Variants in POLB observed in about 807,000 individuals in gnomAD.
The protein encoded by POLB is 5'-dRP lyase.
POLB carries 37 observed loss-of-function variants against 52.7 expected under a neutral mutation model. The ratio of observed to expected loss-of-function variants is 0.70; its 90% CI spans 0.54 to 0.92. The LOEUF (loss-of-function observed/expected upper bound fraction) is 0.92. Among genes scored for constraint, POLB ranks in the 40% least tolerant of loss-of-function variants. The pLI, the probability that POLB is intolerant of heterozygous loss-of-function variation, is 0.00. For missense variants in POLB, 313 were observed against 400.8 expected (o/e 0.78, Z 1.87); for synonymous variants, 138 against 131.3 (o/e 1.05, Z -0.35).
intron 6 of POLB, among the ~76,000 whole-genome samples, chr8:42,354,752 C>T (rs537419104): frequency 1.3e-5 from 2 of 152,012 alleles, no homozygotes; most frequent in South Asian, 4.1e-4. Flanking sequence ...CCATGTTGGT[C>T]AGGCTGGTCT....
chr8:42,369,188 A>G (rs1824221619), intron 11 of POLB, 83 bp from the exon 12 acceptor site: 2 of 801,030 alleles, frequency 2.5e-6, no homozygotes, highest in African/African-American at 1.7e-5. Context: ...ATTAAAAACA[A>G]AAATGGCCTT....
At chr8:42,368,990 G>A (rs1356431585) in intron 11 of POLB, 1 of 244,114 alleles carries the variant, frequency 4.1e-6, no homozygotes, top group African/African-American at 2.2e-5. Flanking sequence ...TGTGTTTCGT[G>A]TTCAGGGTTT....
At chr8:42,342,219 C>G in intron 2 of POLB, 1 of 1,552,344 alleles carries the variant, frequency 6.4e-7, no homozygotes, top group Non-Finnish European at 8.8e-7. Flanking sequence ...GTGAAAGCAC[C>G]TGGCTGACCA....
chr8:42,342,253 T>C (rs1250493578), intron 2 of POLB: 1 of 1,546,700 alleles, frequency 6.5e-7, no homozygotes, highest in Non-Finnish European at 8.8e-7. Flanking sequence ...CATTGTATTA[T>C]CGCCAGTCAC....
chr8:42,345,944 CGG>C (rs556420497), intron 3 of POLB, among the ~76,000 whole-genome samples: 9 of 152,272 alleles, frequency 5.9e-5, no homozygotes, highest in Admixed American at 5.2e-4. Context: ...GGTTTTGAGA[CGG>C]AGTCTCACCC....
intron 3 of POLB, 45 bp from the exon 4 acceptor site, chr8:42,348,971 A>G (rs771632726): frequency 1.0e-6 from 1 of 991,394 alleles, no homozygotes; most frequent in Admixed American, 2.2e-5. Context: ...TGATTTGGTA[A>G]GCATTATATT....
At chr8:42,371,242 A>G (rs556012959) in intron 13 of POLB, among the ~76,000 whole-genome samples, 136 of 151,918 alleles carry the variant, frequency 9.0e-4, no homozygotes, top group African/African-American at 2.4e-3. Context: ...TCCTGCCTCA[A>G]CCTCCCGAGT....
intron 11 of POLB, among the ~76,000 whole-genome samples, 159 bp downstream of exon 11, chr8:42,362,857 G>A (rs1823789191): frequency 6.6e-6 from 1 of 152,246 alleles, no homozygotes; most frequent in Admixed American, 6.5e-5. Flanking sequence ...GGGCGCGGTG[G>A]CTCACGCCTG....
At position 42,369,835 on chromosome 8, in the gene POLB, T is replaced by C; in HGVS notation, c.774-14T>C. ...GCATGGTAAAAAAATGTATCTACTG[T>C]CCATTTTTTTTAGGTTGATACCCAA... On this transcript the variant is annotated splice_polypyrimidine_tract_variant and intron_variant, in intron 12 of 13. Transcript: ENST00000265421. The C allele has an allele frequency of 1.9e-6, 3 of 1,555,932 alleles. No individual in the cohort carries two copies. Among genetic ancestry groups the C allele is most frequent in the Non-Finnish European group, 2.6e-6 (3 of 1,150,128 alleles).
intron 9 of POLB, among the ~76,000 whole-genome samples, chr8:42,358,298 C>G (rs567487487): frequency 6.6e-6 from 1 of 151,872 alleles, no homozygotes; most frequent in Non-Finnish European, 1.5e-5. Context: ...GTCAGGAGAT[C>G]GAGACTATCC....
Position 42,338,543 on chromosome 8 carries a change from A to G in POLB, c.-82A>G, listed in dbSNP as rs759308426. 3.1e-6 allele frequency: 4 copies of G among 1,279,690 alleles called. No homozygotes were observed. Among genetic ancestry groups the G allele is most frequent in the African/African-American group, 2.9e-5 (2 of 68,368 alleles). The allele number at this position is 1,279,690 out of a possible 1,614,324, so 79.3% of individuals were successfully genotyped here. On this transcript the variant is annotated 5_prime_UTR_variant, in exon 1 of 14. Transcript: ENST00000265421. ...CTGGGTTGCTCCTGCTCCCGTCTCC[A>G]AGTCCTGGTACCTCCTTCAAGCTGG...
intron 4 of POLB, among the ~76,000 whole-genome samples, chr8:42,349,480 C>G (rs2130798525): frequency 6.6e-6 from 1 of 152,336 alleles, no homozygotes; most frequent in South Asian, 2.1e-4. Flanking sequence ...GCTCCGCCTC[C>G]TGGGTTCATG....
chr8:42,348,390 A>G (rs1377843057), intron 3 of POLB, among the ~76,000 whole-genome samples: 4 of 152,218 alleles, frequency 2.6e-5, no homozygotes, highest in Admixed American at 2.6e-4. Context: ...GAAGAATGGA[A>G]TTTTAAATTG....
chr8:42,363,755 T>C (rs1311956397), intron 11 of POLB, among the ~76,000 whole-genome samples: 1 of 151,882 alleles, frequency 6.6e-6, no homozygotes, highest in Non-Finnish European at 1.5e-5. Context: ...GGGTCTGTGA[T>C]AGAACACTCA....
In POLB at chr8:42,338,613, G is replaced by A. The variant is rs1252932250; in HGVS notation, c.-12G>A. ...GTTCTGAACACTCTGGGGTTCTCGG[G>A]TGCAGGCCGCCATGAGCAAACGGAA... On this transcript the variant is annotated 5_prime_UTR_variant, in exon 1 of 14. It adds an upstream start codon to the 5' untranslated region. Transcript: ENST00000265421. 6.2e-7 allele frequency: 1 copy of A among 1,613,602 alleles called. No individual in the cohort carries two copies. Among genetic ancestry groups the A allele is most frequent in the Admixed American group, 1.7e-5 (1 of 60,022 alleles).
chr8:42,369,906 T>C lies in POLB; in HGVS notation c.831T>C (p.Ile277=). 1 of 1,604,878 alleles carries C rather than the reference T, an allele frequency of 6.2e-7. No individual in the cohort carries two copies. The highest frequency in any genetic ancestry group is 8.5e-7 in the Non-Finnish European group (1 of 1,171,934). The change falls in exon 13 of 14, where the codon ATT becomes ATC. Residue 277 remains isoleucine (I), a synonymous_variant. Coordinates refer to ENST00000265421, the MANE Select transcript of POLB (RefSeq NM_002690.3). ...CGVLYFTGSD[I]FNKNMRAHAL... ...TTCTCTATTTCACTGGGAGTGATAT[T>C]TTCAATAAGAATATGAGGGCTCATG...
At position 42,343,348 on chromosome 8, in the gene POLB, AT is replaced by A. The variant is rs1563390005; in HGVS notation, c.120-1604del. 4.6e-3 allele frequency among the ~76,000 whole-genome samples: 109 copies of A among 23,620 alleles called. 3 individuals carry two copies. The highest frequency in any genetic ancestry group is 6.6e-3 in the African/African-American group (103 of 15,566). The allele number at this position is 23,620 out of a possible 152,430, so 15.5% of individuals were successfully genotyped here. ...AAAAAAAAAAAAAAAAAAAAAAAAT[AT>A]ATATATATATATATATATATACACA... On this transcript the variant is annotated intron_variant, in intron 2 of 13. Transcript: ENST00000265421.
At position 42,338,538 on chromosome 8, in the gene POLB, T is replaced by C; in HGVS notation, c.-87T>C. The stretch of plus-strand genomic sequence containing the variant: ...CGGAGCTGGGTTGCTCCTGCTCCCG[T>C]CTCCAAGTCCTGGTACCTCCTTCAA... On this transcript the variant is annotated 5_prime_UTR_variant, in exon 1 of 14. Coordinates refer to ENST00000265421, the MANE Select transcript of POLB (RefSeq NM_002690.3). The C allele has an allele frequency of 8.2e-7, 1 of 1,216,148 alleles. No individual in the cohort carries two copies. The highest frequency in any genetic ancestry group is 1.2e-6 in the Non-Finnish European group (1 of 820,052). 75.3% of individuals were successfully genotyped at this position (1,216,148 alleles called of 1,614,324 possible).
At chr8:42,371,401 G>A (rs2130867344) in intron 13 of POLB, among the ~76,000 whole-genome samples, 162 bp from the exon 14 acceptor site, 1 of 152,176 alleles carries the variant, frequency 6.6e-6, no homozygotes, top group East Asian at 1.9e-4. Flanking sequence ...GGGATTACAG[G>A]CGTGAGCTAC....
Sources: gnomAD v4.1 joint callset for allele counts (sites outside exome capture counted in the v4.1 genomes callset) on GRCh38, gnomAD v4.1.1 for gene constraint, MANE v1.5 for transcripts, NCBI Gene and HGNC (gene_info 2026-07-23, HGNC 2026-07-21) for gene names.